BBS9: variants seen among roughly 807,000 people sequenced by gnomAD.
BBS9 encodes Bardet-Biedl syndrome 9, also known as protein PTHB1.
Under a neutral mutation model 117.7 loss-of-function variants are expected in BBS9, and 89 were observed. That is an observed-to-expected ratio of 0.76 (90% CI 0.64 to 0.90). The LOEUF is 0.90. Among genes scored for constraint, BBS9 ranks in the 40% least tolerant of loss-of-function variants. The probability of loss-of-function intolerance (pLI) is 0.00; values close to 1 mark genes in which losing one functional copy is unlikely to be tolerated. For missense variants in BBS9, 982 were observed against 1,042.2 expected, an observed-to-expected ratio of 0.94 and a Z score of 0.80; for synonymous variants, 379 against 370.9, an observed-to-expected ratio of 1.02 and a Z score of -0.25.
At chr7:33,440,002 C>T (rs1477423329) in intron 19 of BBS9, among the ~76,000 whole-genome samples, 1 of 152,112 alleles carries the variant, frequency 6.6e-6, no homozygotes, top group South Asian at 2.1e-4. Context: ...ACACTGTATA[C>T]CAGGAGAAAT....
intron 5 of BBS9, among the ~76,000 whole-genome samples, chr7:33,256,344 G>C (rs549772079): frequency 3.0e-4 from 46 of 152,244 alleles, no homozygotes; most frequent in African/African-American, 9.9e-4. Context: ...TGTATGTTTA[G>C]TGAACATTCA....
At chr7:33,579,724 C>A (rs1427998683) in intron 21 of BBS9, among the ~76,000 whole-genome samples, 1 of 152,148 alleles carries the variant, frequency 6.6e-6, no homozygotes, top group African/African-American at 2.4e-5. Context: ...GTCAGCCAAG[C>A]ATTTCAAGAC....
chr7:33,273,248 T>C (rs547643228), intron 8 of BBS9, 53 bp downstream of exon 8: 3 of 1,579,060 alleles, frequency 1.9e-6, no homozygotes, highest in East Asian at 2.2e-5. Flanking sequence ...CTATGTGATA[T>C]ACACCAGAAA....
intron 21 of BBS9, among the ~76,000 whole-genome samples, chr7:33,600,357 A>G (rs1383738502): frequency 1.3e-5 from 2 of 151,592 alleles, no homozygotes; most frequent in African/African-American, 2.4e-5. Context: ...GTTGCCTTTT[A>G]CAAAAGTATT....
At chr7:33,210,074 G>T (rs540451728) in intron 5 of BBS9, among the ~76,000 whole-genome samples, 2 of 152,098 alleles carry the variant, frequency 1.3e-5, no homozygotes, top group South Asian at 4.2e-4. Context: ...TATTTCATAG[G>T]TTTCGGTACA....
At chr7:33,542,931 A>T (rs1488343172) in intron 21 of BBS9, among the ~76,000 whole-genome samples, 2 of 151,978 alleles carry the variant, frequency 1.3e-5, no homozygotes, top group African/African-American at 4.8e-5. Context: ...TGCATGTGCA[A>T]GTATCTTTTT....
At chr7:33,337,120 T>C (rs1402620100) in intron 10 of BBS9, among the ~76,000 whole-genome samples, 1 of 152,186 alleles carries the variant, frequency 6.6e-6, no homozygotes, top group Admixed American at 6.5e-5. Context: ...GTGTGTAGCT[T>C]GCGGTATGCT....
rs190942985 is a variant in BBS9, at chr7:33,447,290, C to G, written c.2116-58173C>G. On this transcript the variant is annotated intron_variant, in intron 19 of 22. Coordinates refer to ENST00000242067, the MANE Select transcript of BBS9 (RefSeq NM_198428.3). ...TGAGATCCACAATTAATTACGGAAG[C>G]TGCGGGGAAGCAATCATAGTGGGCA... Among the ~76,000 whole-genome samples, 563 of 152,312 alleles carry G rather than the reference C, an allele frequency of 3.7e-3. 10 individuals carry two copies. The South Asian group carries it at 0.046, about 12-fold the overall frequency.
intron 19 of BBS9, among the ~76,000 whole-genome samples, chr7:33,432,554 T>A (rs1834673690): frequency 6.6e-6 from 1 of 152,212 alleles, no homozygotes; most frequent in Non-Finnish European, 1.5e-5. Flanking sequence ...TTTAAGGTGT[T>A]CTTTTTGGCC....
At chr7:33,130,241 G>C (rs1023401901) in intron 1 of BBS9, among the ~76,000 whole-genome samples, 200 bp downstream of exon 1, 6 of 152,184 alleles carry the variant, frequency 3.9e-5, no homozygotes, top group Non-Finnish European at 8.8e-5. Context: ...AGAAAAAAGG[G>C]ATGAGAATTT....
intron 20 of BBS9, among the ~76,000 whole-genome samples, chr7:33,517,367 C>T (rs918688389): frequency 1.3e-5 from 2 of 152,224 alleles, no homozygotes; most frequent in African/African-American, 4.8e-5. Flanking sequence ...CTGCTCAACA[C>T]CTGCAGTTTT....
intron 17 of BBS9, among the ~76,000 whole-genome samples, chr7:33,372,514 G>C (rs1468868391): frequency 6.6e-6 from 1 of 152,084 alleles, no homozygotes; most frequent in Non-Finnish European, 1.5e-5. Flanking sequence ...CTTGATCATG[G>C]TGAATGATCT....
At chr7:33,228,187 C>T (rs1052768260) in intron 5 of BBS9, among the ~76,000 whole-genome samples, 1 of 151,864 alleles carries the variant, frequency 6.6e-6, no homozygotes, top group Non-Finnish European at 1.5e-5. Context: ...AAATAAGGTG[C>T]TATATCTCAT....
intron 13 of BBS9, 107 bp from the exon 14 acceptor site, chr7:33,351,112 G>T (rs1818568037): frequency 1.4e-6 from 1 of 711,310 alleles, no homozygotes; most frequent in Admixed American, 2.1e-5. Flanking sequence ...TCATGTAAGT[G>T]CTTATGACAG....
intron 4 of BBS9, among the ~76,000 whole-genome samples, chr7:33,165,576 T>TAGCGAG (rs1795553575): frequency 6.6e-6 from 1 of 152,084 alleles, no homozygotes; most frequent in African/African-American, 2.4e-5. Flanking sequence ...TTTATGTCAT[T>TAGCGAG]AATTTGATTT....
At chr7:33,262,048 C>G (rs1332436700) in intron 6 of BBS9, among the ~76,000 whole-genome samples, 1 of 152,076 alleles carries the variant, frequency 6.6e-6, no homozygotes, top group Non-Finnish European at 1.5e-5. Context: ...CTTTATTGGT[C>G]ACAGTTAAGA....
chr7:33,588,511 T>G (rs894360849), intron 21 of BBS9, among the ~76,000 whole-genome samples: 4 of 152,170 alleles, frequency 2.6e-5, no homozygotes, highest in Non-Finnish European at 4.4e-5. Context: ...CTTAGGATAC[T>G]GTAGCCACCA....
At chr7:33,221,542 T>A (rs1562824131) in intron 5 of BBS9, among the ~76,000 whole-genome samples, 1 of 152,220 alleles carries the variant, frequency 6.6e-6, no homozygotes, top group Non-Finnish European at 1.5e-5. Context: ...GGAGGTTATG[T>A]CCTTGATTAG....
intron 21 of BBS9, among the ~76,000 whole-genome samples, chr7:33,544,872 C>T (rs1463680967): frequency 6.6e-6 from 1 of 151,978 alleles, no homozygotes; most frequent in Non-Finnish European, 1.5e-5. Flanking sequence ...CTTGTTGCAG[C>T]TGCTGTCTGG....
Sources: allele counts gnomAD v4.1 joint callset (sites outside exome capture counted in the v4.1 genomes callset), GRCh38; gene constraint gnomAD v4.1.1; transcripts MANE v1.5; gene names NCBI Gene and HGNC (gene_info 2026-07-23, HGNC 2026-07-21).